The following CCDC171 variants were observed in gnomAD, a reference collection of about 807,000 sequenced individuals.
The protein encoded by CCDC171 is coiled-coil domain-containing protein 171.
In CCDC171, 177 loss-of-function variants were observed where a neutral mutation model predicts 168.2. The ratio of observed to expected loss-of-function variants is 1.05; its 90% CI spans 0.93 to 1.19. The LOEUF is 1.19. CCDC171 is among the 50% of genes most tolerant of loss of function. The probability of loss-of-function intolerance (pLI) is 0.00; values close to 1 mark genes in which losing one functional copy is unlikely to be tolerated. For missense variants in CCDC171, 1,991 were observed against 1,539.0 expected, an observed-to-expected ratio of 1.29 and a Z score of -4.91; for synonymous variants, 687 against 540.8, an observed-to-expected ratio of 1.27 and a Z score of -3.75.
chr9:15,827,599 A>T (rs2060066670), intron 21 of CCDC171, among the ~76,000 whole-genome samples: 1 of 152,152 alleles, frequency 6.6e-6, no homozygotes. Context: ...TTTCATATAC[A>T]CCTAGGGGAA....
intron 10 of CCDC171, among the ~76,000 whole-genome samples, chr9:15,683,123 G>C (rs765650389): frequency 4.6e-5 from 7 of 152,046 alleles, no homozygotes; most frequent in Non-Finnish European, 1.0e-4. Context: ...TTTAGTTACA[G>C]CTCTAGGAGA....
chr9:15,648,568 A>G (rs947214146), intron 7 of CCDC171, among the ~76,000 whole-genome samples: 1 of 152,218 alleles, frequency 6.6e-6, no homozygotes, highest in Non-Finnish European at 1.5e-5. Context: ...TACAAAATCA[A>G]TGTGCAAAAA....
At chr9:15,561,600 C>T (rs140511969) in intron 1 of CCDC171, among the ~76,000 whole-genome samples, 75 of 152,096 alleles carry the variant, frequency 4.9e-4, no homozygotes, top group African/African-American at 1.7e-3. Flanking sequence ...CTTGACTGTC[C>T]TCATCATTCC....
intron 24 of CCDC171, chr9:15,885,815 A>C (rs956247482): frequency 6.6e-6 from 1 of 152,210 alleles, no homozygotes; most frequent in Non-Finnish European, 1.5e-5. Flanking sequence ...CTTAAGGATT[A>C]AGGAAGATGC....
At position 15,906,776 on chromosome 9, in the gene CCDC171, A is replaced by G. The variant is rs538817330; in HGVS notation, c.3601-13494A>G. ...CATGATTGTATATCTAGAAAACCCC[A>G]TCGTCTCAGCCCAAAATCTCCTTAA... On this transcript the variant is annotated intron_variant, in intron 24 of 25. Coordinates refer to ENST00000380701, the MANE Select transcript of CCDC171 (RefSeq NM_173550.4). Among the ~76,000 whole-genome samples the G allele has an allele frequency of 3.4e-3, 518 of 152,228 alleles. 1 individual carries two copies. The highest frequency in any genetic ancestry group is 6.5e-3 in the Admixed American group (99 of 15,286).
chr9:15,792,571 G>A (rs542165164), intron 21 of CCDC171, among the ~76,000 whole-genome samples: 1 of 152,302 alleles, frequency 6.6e-6, no homozygotes, highest in South Asian at 2.1e-4. Flanking sequence ...GGCAGCCAGA[G>A]AGAAAGGTCG....
chr9:15,662,826 C>A (rs941520944), intron 8 of CCDC171, among the ~76,000 whole-genome samples: 3 of 151,782 alleles, frequency 2.0e-5, no homozygotes, highest in African/African-American at 7.3e-5. Context: ...AAAAAAAATA[C>A]CAAAATTAGC....
chr9:15,825,378 C>A (rs2059969183), intron 21 of CCDC171, among the ~76,000 whole-genome samples: 1 of 152,064 alleles, frequency 6.6e-6, no homozygotes, highest in African/African-American at 2.4e-5. Context: ...TCATGAGGAT[C>A]CTGAGTCATC....
intron 7 of CCDC171, among the ~76,000 whole-genome samples, chr9:15,635,262 C>T (rs1001144337): frequency 6.6e-6 from 1 of 152,092 alleles, no homozygotes; most frequent in Non-Finnish European, 1.5e-5. Context: ...AGTCTGTGGT[C>T]GAAGGCCTGA....
At chr9:15,957,860 TC>T (rs984155726) in intron 25 of CCDC171, among the ~76,000 whole-genome samples, 1 of 152,152 alleles carries the variant, frequency 6.6e-6, no homozygotes, top group African/African-American at 2.4e-5. Context: ...TCTTTCTTTT[TC>T]TTAGTGGCCT....
intron 25 of CCDC171, among the ~76,000 whole-genome samples, chr9:15,952,806 A>G (rs1448318160): frequency 2.6e-5 from 4 of 152,314 alleles, no homozygotes; most frequent in African/African-American, 7.2e-5. Context: ...AAGTCTTCTA[A>G]TCCATTAACA....
In CCDC171 at chr9:15,971,618, C is replaced by G. The variant is rs75833586; in HGVS notation, c.3763C>G (p.Arg1255Gly). 1.2e-6 allele frequency: 2 copies of G among 1,611,464 alleles called. No homozygotes were observed. Among genetic ancestry groups the G allele is most frequent in the Non-Finnish European group, 1.7e-6 (2 of 1,178,302 alleles). ...CTTTTGTATGTCACAGATAGGATCA[C>G]GAGACCATTCAAATCTCTCCATTCC... ...ENASLQSIGS[R>G]DHSNLSIPSR... is the part of the protein sequence containing the mutation. Residue 1255 changes from arginine (R) to glycine (G), a missense_variant, in exon 26 of 26, where the codon CGA becomes GGA. Coordinates refer to ENST00000380701, the MANE Select transcript of CCDC171 (RefSeq NM_173550.4).
At chr9:15,577,328 C>G (rs923327188) in intron 3 of CCDC171, among the ~76,000 whole-genome samples, 2 of 152,104 alleles carry the variant, frequency 1.3e-5, no homozygotes, top group Non-Finnish European at 1.5e-5. Context: ...GAGATTTACC[C>G]TTTCTATCCC....
At chr9:15,773,146 AAAT>A (rs1485830953) in intron 18 of CCDC171, among the ~76,000 whole-genome samples, 1 of 152,138 alleles carries the variant, frequency 6.6e-6, no homozygotes, top group Non-Finnish European at 1.5e-5. Flanking sequence ...TAATAAGAAA[AAAT>A]GTTGTAGATT....
At chr9:15,897,127 C>G (rs562559500) in intron 24 of CCDC171, among the ~76,000 whole-genome samples, 1 of 151,962 alleles carries the variant, frequency 6.6e-6, no homozygotes, top group African/African-American at 2.4e-5. Flanking sequence ...TGAGCTAATC[C>G]TATGTGGGCA....
At chr9:16,102,728 G>A in the CCDC171 span, among the ~76,000 whole-genome samples, 1 of 152,114 alleles carries the variant, frequency 6.6e-6, no homozygotes, top group African/African-American at 2.4e-5. Flanking sequence ...CTTTCCAACA[G>A]CTCTTCGTCC....
intron 6 of CCDC171, among the ~76,000 whole-genome samples, chr9:15,603,985 G>A (rs1300969750): frequency 1.3e-5 from 2 of 151,840 alleles, no homozygotes; most frequent in African/African-American, 2.4e-5. Flanking sequence ...ATTTTGACTT[G>A]CATTTCTCTG....
chr9:15,568,267 CTTTTTTTTTT>C lies in CCDC171; in HGVS notation c.42-3345_42-3336del, dbSNP rs554021809. On this transcript the variant is annotated intron_variant, in intron 2 of 25. Transcript: ENST00000380701. ...TGCACCATCTACATCTCCAATACAT[CTTTTTTTTTT>C]TTTTTTTTTTTGAGGCGGAGTCTTG... is the stretch of plus-strand genomic sequence containing the variant. Among the ~76,000 whole-genome samples the C allele has an allele frequency of 2.0e-4, 25 of 126,882 alleles. 1 individual carries two copies. The highest frequency in any genetic ancestry group is 7.3e-4 in the African/African-American group (24 of 32,754). The allele number at this position is 126,882 out of a possible 152,430, so 83.2% of individuals were successfully genotyped here. A position where few individuals can be genotyped will look rare whatever the true frequency, so the allele number is the denominator to read the frequency against.
At position 15,971,761 on chromosome 9, in the gene CCDC171, T is replaced by C; in HGVS notation, c.3906T>C (p.His1302=). The C allele has an allele frequency of 3.1e-6, 5 of 1,614,010 alleles. No homozygotes were observed. Among genetic ancestry groups the C allele is most frequent in the Non-Finnish European group, 4.2e-6 (5 of 1,179,906 alleles). The change falls in exon 26 of 26, where the codon CAT becomes CAC. Residue 1302 remains histidine, a synonymous_variant. Coordinates refer to ENST00000380701, the MANE Select transcript of CCDC171 (RefSeq NM_173550.4). ...AGACATTTATAAATACTGTGCCCCA[T>C]GCTCTGACATCATCTCACTCCTCTC... ...LKETFINTVP[H]ALTSSHSSPV... is the part of the protein sequence containing the mutation.
Sources: allele counts gnomAD v4.1 joint callset (sites outside exome capture counted in the v4.1 genomes callset), GRCh38; gene constraint gnomAD v4.1.1; transcripts MANE v1.5; gene names NCBI Gene and HGNC (gene_info 2026-07-23, HGNC 2026-07-21).